Variants in HDAC9 observed in about 807,000 individuals in gnomAD.
HDAC9 encodes the protein MEF-2 interacting transcription repressor (MITR) protein.
A neutral mutation model predicts 139.4 loss-of-function variants in HDAC9; 41 were observed. The observed-to-expected ratio is 0.29, with a 90% CI of 0.23 to 0.38. The LOEUF (loss-of-function observed/expected upper bound fraction) is 0.38, where lower values mean the gene tolerates loss of function less well. Among genes scored for constraint, HDAC9 ranks in the 10% least tolerant of loss-of-function variants. The pLI is 1.00. For missense variants in HDAC9, 1,147 were observed against 1,297.0 expected (o/e 0.88, Z 1.78); for synonymous variants, 517 against 476.2 (o/e 1.09, Z -1.12).
At chr7:18,315,455 T>A (rs924537707) in intron 1 of HDAC9, among the ~76,000 whole-genome samples, 1 of 152,174 alleles carries the variant, frequency 6.6e-6, no homozygotes, top group African/African-American at 2.4e-5. Context: ...GAGTCAACAC[T>A]CTTAACCTCT....
At chr7:18,319,031 G>A (rs1216033339) in intron 1 of HDAC9, among the ~76,000 whole-genome samples, 2 of 152,160 alleles carry the variant, frequency 1.3e-5, no homozygotes, top group Non-Finnish European at 2.9e-5. Flanking sequence ...GTAACCTGTA[G>A]TGTGACAAGC....
At chr7:18,112,993 G>A (rs956255935) in intron 1 of HDAC9, among the ~76,000 whole-genome samples, 1 of 152,128 alleles carries the variant, frequency 6.6e-6, no homozygotes, top group Non-Finnish European at 1.5e-5. Flanking sequence ...ACAGGCGAAG[G>A]TGGAAGTAAA....
chr7:18,605,025 T>G (rs1051718393), intron 6 of HDAC9, among the ~76,000 whole-genome samples: 1 of 152,156 alleles, frequency 6.6e-6, no homozygotes, highest in Non-Finnish European at 1.5e-5. Context: ...ATACTTTTGA[T>G]GTGAGGTTTT....
chr7:18,141,919 A>G (rs1266351645), intron 1 of HDAC9, among the ~76,000 whole-genome samples: 5 of 152,184 alleles, frequency 3.3e-5, no homozygotes, highest in African/African-American at 1.2e-4. Flanking sequence ...AGTTTACAAT[A>G]AAGGAGGCAA....
At chr7:18,618,149 T>C (rs1839179662) in intron 6 of HDAC9, among the ~76,000 whole-genome samples, 1 of 152,156 alleles carries the variant, frequency 6.6e-6, no homozygotes. Context: ...AAGAAGATAA[T>C]TGTATGGCAT....
intron 22 of HDAC9, among the ~76,000 whole-genome samples, chr7:18,909,826 T>C (rs1370379606): frequency 6.6e-6 from 1 of 152,052 alleles, no homozygotes; most frequent in Non-Finnish European, 1.5e-5. Flanking sequence ...TGTCTGTTTT[T>C]ATGCCACTGC....
At chr7:18,590,024 G>A (rs1430298229) in intron 3 of HDAC9, among the ~76,000 whole-genome samples, 2 of 152,134 alleles carry the variant, frequency 1.3e-5, no homozygotes, top group Middle Eastern at 3.2e-3. Flanking sequence ...CTGTTTGTAT[G>A]TTCAAAGAAA....
intron 14 of HDAC9, among the ~76,000 whole-genome samples, chr7:18,754,323 G>A (rs1788701509): frequency 1.3e-5 from 2 of 151,938 alleles, no homozygotes; most frequent in Non-Finnish European, 2.9e-5. Context: ...GGGTTTCCAA[G>A]ATGTGCATGC....
chr7:18,989,730 T>C (rs1785703135), intron 25 of HDAC9, among the ~76,000 whole-genome samples: 1 of 128,752 alleles, frequency 7.8e-6, no homozygotes, highest in Non-Finnish European at 1.6e-5. Flanking sequence ...TAGTCCCATA[T>C]TTCTTGGAGG....
intron 2 of HDAC9, among the ~76,000 whole-genome samples, chr7:18,257,824 A>G (rs1008998894): frequency 2.6e-5 from 4 of 152,362 alleles, no homozygotes; most frequent in East Asian, 3.9e-4. Flanking sequence ...GGTTAATTGC[A>G]TAATGCCTAA....
intron 21 of HDAC9, among the ~76,000 whole-genome samples, chr7:18,854,247 A>G (rs1797510312): frequency 6.6e-6 from 1 of 152,156 alleles, no homozygotes; most frequent in African/African-American, 2.4e-5. Flanking sequence ...AATATGGAGC[A>G]CAAGAAAATG....
intron 2 of HDAC9, among the ~76,000 whole-genome samples, chr7:18,523,584 C>T (rs1294817934): frequency 6.7e-6 from 1 of 150,108 alleles, no homozygotes; most frequent in Non-Finnish European, 1.5e-5. Context: ...TATATATTTG[C>T]CCTTGTGGAA....
At chr7:18,902,691 T>C (rs1801840746) in intron 22 of HDAC9, among the ~76,000 whole-genome samples, 1 of 152,220 alleles carries the variant, frequency 6.6e-6, no homozygotes, top group African/African-American at 2.4e-5. Flanking sequence ...TCAGGATATC[T>C]TGTTGGATTT....
chr7:18,702,371 C>T lies in HDAC9; in HGVS notation c.1732-25209C>T, dbSNP rs185364967. 6.9e-4 allele frequency among the ~76,000 whole-genome samples: 105 copies of T among 152,268 alleles called. 1 individual carries two copies. The East Asian group carries it at 0.014, about 20-fold the overall frequency. ...CCAAAACCTTGAGTGGATTTATGGA[C>T]GCACTGGTGTCCGCAGCACCTCCAG... On this transcript the variant is annotated intron_variant, in intron 12 of 25. Coordinates refer to ENST00000686413, the MANE Select transcript of HDAC9 (RefSeq NM_178425.4).
At chr7:18,108,588 T>A (rs1783388487) in intron 1 of HDAC9, among the ~76,000 whole-genome samples, 1 of 151,782 alleles carries the variant, frequency 6.6e-6, no homozygotes. Flanking sequence ...TTTAAAATGT[T>A]GAGAGCATTT....
At chr7:18,306,609 G>A (rs183385067) in intron 1 of HDAC9, among the ~76,000 whole-genome samples, 1 of 152,114 alleles carries the variant, frequency 6.6e-6, no homozygotes, top group South Asian at 2.1e-4. Flanking sequence ...CTCTCCAAGT[G>A]GTGCTATTCG....
intron 2 of HDAC9, among the ~76,000 whole-genome samples, chr7:18,274,216 A>C (rs1474831652): frequency 6.6e-6 from 1 of 152,206 alleles, no homozygotes; most frequent in African/African-American, 2.4e-5. Context: ...CTAACAGATT[A>C]CCTGAGGCTG....
intron 19 of HDAC9, among the ~76,000 whole-genome samples, chr7:18,834,577 A>G (rs1231847519): frequency 1.4e-5 from 2 of 147,148 alleles, no homozygotes; most frequent in African/African-American, 5.0e-5. Context: ...GGGAAAGGAG[A>G]AAAGAGCAGG....
At chr7:18,309,887 A>C (rs1216129772) in intron 1 of HDAC9, among the ~76,000 whole-genome samples, 2 of 152,226 alleles carry the variant, frequency 1.3e-5, no homozygotes, top group Non-Finnish European at 2.9e-5. Flanking sequence ...ATTAGTTGCA[A>C]AGGATGAAAT....
Sources: gnomAD v4.1 joint callset for allele counts (sites outside exome capture counted in the v4.1 genomes callset) on GRCh38, gnomAD v4.1.1 for gene constraint, MANE v1.5 for transcripts, NCBI Gene and HGNC (gene_info 2026-07-23, HGNC 2026-07-21) for gene names.